HIVEP2: variants seen among roughly 807,000 people sequenced by gnomAD.
HIVEP2 encodes transcription factor HIVEP2.
A neutral mutation model predicts 180.7 loss-of-function variants in HIVEP2; 14 were observed. The ratio of observed to expected loss-of-function variants is 0.08; its 90% CI spans 0.05 to 0.12. The LOEUF (loss-of-function observed/expected upper bound fraction) is 0.12, where lower values mean the gene tolerates loss of function less well. HIVEP2 is among the 10% of genes least tolerant of loss of function. The probability of loss-of-function intolerance (pLI) is 1.00; values close to 1 mark genes in which losing one functional copy is unlikely to be tolerated. For synonymous variants in HIVEP2, 1,184 were observed against 1,136.4 expected (o/e 1.04, Z -0.84); for missense variants, 2,579 against 3,008.5 (o/e 0.86, Z 3.34).
At chr6:142,862,772 T>G (rs1409655178) in intron 1 of HIVEP2, among the ~76,000 whole-genome samples, 7 of 135,952 alleles carry the variant, frequency 5.1e-5, no homozygotes, top group African/African-American at 1.9e-4. Flanking sequence ...TGTAATATAT[T>G]ATATGTAATT....
At chr6:142,851,043 T>C (rs756554284) in intron 1 of HIVEP2, among the ~76,000 whole-genome samples, 1 of 152,252 alleles carries the variant, frequency 6.6e-6, no homozygotes, top group Non-Finnish European at 1.5e-5. Flanking sequence ...ACTTAGGAAA[T>C]GACTTCTAGA....
chr6:142,906,965 G>C (rs1777277852), intron 1 of HIVEP2, among the ~76,000 whole-genome samples: 2 of 152,180 alleles, frequency 1.3e-5, no homozygotes, highest in African/African-American at 2.4e-5. Context: ...CAGCAAGCTA[G>C]TCAGCTCCAA....
intron 1 of HIVEP2, among the ~76,000 whole-genome samples, chr6:142,867,780 A>T (rs1334301852): frequency 1.3e-5 from 2 of 152,202 alleles, no homozygotes; most frequent in African/African-American, 2.4e-5. Flanking sequence ...TAACGCATTA[A>T]TAAAGGTGGA....
At chr6:142,853,255 C>A (rs1775736267) in intron 1 of HIVEP2, among the ~76,000 whole-genome samples, 1 of 152,138 alleles carries the variant, frequency 6.6e-6, no homozygotes, top group African/African-American at 2.4e-5. Context: ...AGCTTGTCTG[C>A]CCTCTGAGCC....
intron 2 of HIVEP2, among the ~76,000 whole-genome samples, chr6:142,827,194 C>T (rs994913459): frequency 3.9e-5 from 6 of 152,028 alleles, no homozygotes; most frequent in Non-Finnish European, 7.4e-5. Context: ...TTATCAAGCC[C>T]GGTTGGCTAT....
At chr6:142,828,199 C>T (rs1468891739) in intron 2 of HIVEP2, among the ~76,000 whole-genome samples, 5 of 152,150 alleles carry the variant, frequency 3.3e-5, no homozygotes, top group African/African-American at 4.8e-5. Flanking sequence ...CTCTTGTCAG[C>T]GAGCTCCTCC....
rs1775892914 is a variant in HIVEP2 at position 142,858,739 on chromosome 6, C to T, written c.-640-21692G>A. 2.0e-5 allele frequency among the ~76,000 whole-genome samples: 3 copies of T among 151,926 alleles called. No homozygotes were observed. In the South Asian group the frequency reaches 6.2e-4, roughly 32 times the overall value. On this transcript the variant is annotated intron_variant, in intron 1 of 9. Coordinates refer to ENST00000367603, the MANE Select transcript of HIVEP2 (RefSeq NM_006734.4). ...CCCAAGTAGCTGGGATTACAGGTGC[C>T]CACCGCTACGCCTGGCTGATTTTTT...
intron 1 of HIVEP2, among the ~76,000 whole-genome samples, chr6:142,910,778 G>C (rs752892340): frequency 1.8e-4 from 27 of 152,302 alleles, no homozygotes; most frequent in Non-Finnish European, 3.1e-4. Context: ...ATCACCGGCA[G>C]CAGAATTACC....
At chr6:142,875,319 G>C (rs1033950443) in intron 1 of HIVEP2, among the ~76,000 whole-genome samples, 4 of 152,152 alleles carry the variant, frequency 2.6e-5, no homozygotes, top group Non-Finnish European at 4.4e-5. Context: ...ATTATGACTG[G>C]AACCTATCTG....
chr6:142,783,125 C>A (rs12214842), intron 3 of HIVEP2, among the ~76,000 whole-genome samples: 9 of 151,784 alleles, frequency 5.9e-5, no homozygotes, highest in African/African-American at 2.2e-4. Flanking sequence ...GTCAAGAGAT[C>A]GAGACCATCC....
At chr6:142,891,139 T>G (rs1177432315) in intron 1 of HIVEP2, among the ~76,000 whole-genome samples, 2 of 152,234 alleles carry the variant, frequency 1.3e-5, no homozygotes, top group Non-Finnish European at 2.9e-5. Flanking sequence ...CTTAAAGTTC[T>G]CTTCGGGACA....
chr6:142,930,302 A>G (rs140408633), intron 1 of HIVEP2, among the ~76,000 whole-genome samples: 157 of 152,338 alleles, frequency 1.0e-3, no homozygotes, highest in African/African-American at 3.5e-3. Flanking sequence ...GAATGAATGA[A>G]CCATTCATGA....
intron 1 of HIVEP2, among the ~76,000 whole-genome samples, chr6:142,864,656 C>G (rs996693319): frequency 1.1e-4 from 16 of 152,184 alleles, no homozygotes; most frequent in African/African-American, 3.4e-4. Flanking sequence ...TATTACATAA[C>G]AGTTAAATGC....
Position 142,925,525 on chromosome 6 carries a change from A to G in HIVEP2, c.-641+19574T>C, listed in dbSNP as rs565945555. Reference sequence around the variant, plus strand: ...GTTATATTTTGTCAAGGAAAAAGGGAAAAGCTACCCCAAAAAGACAAATTT... The same window carrying G: ...GTTATATTTTGTCAAGGAAAAAGGGGAAAGCTACCCCAAAAAGACAAATTT... On this transcript the variant is annotated intron_variant, in intron 1 of 9. Coordinates refer to ENST00000367603, the MANE Select transcript of HIVEP2 (RefSeq NM_006734.4). Among the ~76,000 whole-genome samples, 14 of 152,352 alleles carry G rather than the reference A, an allele frequency of 9.2e-5. No individual in the cohort carries two copies. In the East Asian group the frequency reaches 1.3e-3, roughly 15 times the overall value.
At chr6:142,854,480 C>T (rs1036068631) in intron 1 of HIVEP2, among the ~76,000 whole-genome samples, 1 of 152,210 alleles carries the variant, frequency 6.6e-6, no homozygotes, top group African/African-American at 2.4e-5. Context: ...AATTGTATTA[C>T]TCAAACTTCA....
chr6:142,819,768 C>T (rs1037547893), intron 2 of HIVEP2, among the ~76,000 whole-genome samples: 4 of 152,070 alleles, frequency 2.6e-5, no homozygotes, highest in East Asian at 3.9e-4. Flanking sequence ...GTGAACAGGG[C>T]CTGTACTGAA....
chr6:142,852,661 C>T (rs1399487517), intron 1 of HIVEP2, among the ~76,000 whole-genome samples: 1 of 152,202 alleles, frequency 6.6e-6, no homozygotes, highest in Non-Finnish European at 1.5e-5. Context: ...AACCCAGTTT[C>T]AAAACTCATC....
At chr6:142,784,755 T>C (rs1775941808) in intron 2 of HIVEP2, among the ~76,000 whole-genome samples, 1 of 152,216 alleles carries the variant, frequency 6.6e-6, no homozygotes, top group Non-Finnish European at 1.5e-5. Context: ...AAGTGACACC[T>C]GACAAGGTCT....
chr6:142,874,766 A>C (rs1383670666), intron 1 of HIVEP2, among the ~76,000 whole-genome samples: 1 of 152,090 alleles, frequency 6.6e-6, no homozygotes, highest in Non-Finnish European at 1.5e-5. Context: ...CATTTATAGG[A>C]CCTTAAGGAG....
Sources: gnomAD v4.1 joint callset for allele counts (sites outside exome capture counted in the v4.1 genomes callset) on GRCh38, gnomAD v4.1.1 for gene constraint, MANE v1.5 for transcripts, NCBI Gene and HGNC (gene_info 2026-07-23, HGNC 2026-07-21) for gene names.